Variants in PPP2R3A observed in about 807,000 individuals in gnomAD.
The protein encoded by PPP2R3A is serine/threonine-protein phosphatase 2A regulatory subunit B'' subunit alpha.
A neutral mutation model predicts 106.9 loss-of-function variants in PPP2R3A; 80 were observed. That is an observed-to-expected ratio of 0.75 (90% confidence interval 0.62 to 0.90). The LOEUF (loss-of-function observed/expected upper bound fraction) is 0.90. Among genes scored for constraint, PPP2R3A ranks in the 40% least tolerant of loss-of-function variants. The probability of loss-of-function intolerance (pLI) is 0.00; values close to 1 mark genes in which losing one functional copy is unlikely to be tolerated. For synonymous variants in PPP2R3A, 483 were observed against 468.3 expected (o/e 1.03, Z -0.41); for missense variants, 1,386 against 1,350.4 (o/e 1.03, Z -0.41).
In PPP2R3A at chr3:136,001,659, A is replaced by G; in HGVS notation, c.161A>G (p.Asp54Gly). 1 of 1,614,118 alleles carries G rather than the reference A, an allele frequency of 6.2e-7. No homozygotes were observed. ...GTGGTACACCATAGTGTTTGTGCAG[A>G]CCTCTTGCACATCCCTGTGTCTCAG... Reference protein sequence around the residue: ...CIVVHHSVCADLLHIPVSQFK... With the variant: ...CIVVHHSVCAGLLHIPVSQFK... Residue 54 changes from aspartate (D) to glycine (G), a missense_variant, in exon 2 of 14, where the codon GAC becomes GGC. Transcript: ENST00000264977.
At chr3:136,098,799 A>G (rs897941854) in intron 10 of PPP2R3A, among the ~76,000 whole-genome samples, 3 of 152,170 alleles carry the variant, frequency 2.0e-5, no homozygotes, top group African/African-American at 7.2e-5. Flanking sequence ...GGATTTGGGG[A>G]TACTAGGAAC....
chr3:136,037,506 A>G (rs555162393), intron 3 of PPP2R3A, among the ~76,000 whole-genome samples: 4 of 152,338 alleles, frequency 2.6e-5, no homozygotes, highest in African/African-American at 7.2e-5. Flanking sequence ...TCTGAACCAT[A>G]CAAAGCCCCG....
At chr3:136,073,099 C>G (rs1416511223) in intron 6 of PPP2R3A, among the ~76,000 whole-genome samples, 1 of 152,086 alleles carries the variant, frequency 6.6e-6, no homozygotes, top group Admixed American at 6.6e-5. Context: ...TCCCAAGTAG[C>G]TGGGACTACA....
At chr3:136,123,003 G>A (rs1938055471) in intron 13 of PPP2R3A, among the ~76,000 whole-genome samples, 1 of 152,120 alleles carries the variant, frequency 6.6e-6, no homozygotes, top group Non-Finnish European at 1.5e-5. Context: ...ACTAAGATAA[G>A]TAACTCTTTA....
intron 3 of PPP2R3A, among the ~76,000 whole-genome samples, chr3:136,037,289 C>A (rs1008781595): frequency 2.0e-5 from 3 of 152,182 alleles, no homozygotes; most frequent in African/African-American, 7.2e-5. Context: ...TGGTTAAATT[C>A]TCAGTGTGTA....
In PPP2R3A at chr3:135,974,402, G is replaced by A. The variant is rs9819116; in HGVS notation, c.-441+8553G>A. Among the ~76,000 whole-genome samples the A allele has an allele frequency of 8.3e-4, 127 of 152,232 alleles. 3 individuals carry two copies. Among genetic ancestry groups the A allele is most frequent in the Admixed American group, 1.5e-3 (23 of 15,288 alleles). On this transcript the variant is annotated intron_variant, in intron 1 of 13. Transcript: ENST00000264977. ...TTCCTTGCTTATGTCCTTCTCTGAC[G>A]GCCTATTCCCAACTCAGCAGCCGGA...
At chr3:136,097,513 C>A (rs1937244379) in intron 10 of PPP2R3A, among the ~76,000 whole-genome samples, 1 of 152,190 alleles carries the variant, frequency 6.6e-6, no homozygotes, top group South Asian at 2.1e-4. Flanking sequence ...TTCTTTCTCT[C>A]TTACGGGCTA....
chr3:136,055,449 G>A (rs1487517991), intron 5 of PPP2R3A: 5 of 1,110,074 alleles, frequency 4.5e-6, no homozygotes, highest in South Asian at 3.7e-5. Context: ...AAGGCACAAA[G>A]TGTAAATGTG....
chr3:136,112,786 T>C (rs1937614440), intron 13 of PPP2R3A, among the ~76,000 whole-genome samples: 2 of 152,092 alleles, frequency 1.3e-5, no homozygotes, highest in African/African-American at 4.8e-5. Context: ...TCAGTGCTAT[T>C]CCTATCATAC....
chr3:136,119,351 A>G (rs1351630542), intron 13 of PPP2R3A, among the ~76,000 whole-genome samples: 1 of 152,246 alleles, frequency 6.6e-6, no homozygotes, highest in Non-Finnish European at 1.5e-5. Flanking sequence ...AATGGCAACA[A>G]AAGCCAAAAT....
chr3:136,133,135 G>A (rs1376733034), intron 13 of PPP2R3A, among the ~76,000 whole-genome samples: 3 of 152,132 alleles, frequency 2.0e-5, no homozygotes, highest in African/African-American at 4.8e-5. Flanking sequence ...GGTTGGGCAA[G>A]AGTAATTTTT....
chr3:136,004,748 T>A (rs1228765561), intron 2 of PPP2R3A, among the ~76,000 whole-genome samples: 9 of 152,156 alleles, frequency 5.9e-5, no homozygotes, highest in Non-Finnish European at 8.8e-5. Context: ...GGAAGGGAAA[T>A]GCAACTGAGG....
intron 10 of PPP2R3A, among the ~76,000 whole-genome samples, chr3:136,098,030 T>G (rs1358401308): frequency 6.6e-6 from 1 of 152,262 alleles, no homozygotes; most frequent in Non-Finnish European, 1.5e-5. Context: ...TTAGGTTCAA[T>G]GAATGTCCCC....
chr3:136,126,142 G>A (rs373848894), intron 13 of PPP2R3A, among the ~76,000 whole-genome samples: 2 of 152,214 alleles, frequency 1.3e-5, no homozygotes, highest in Non-Finnish European at 2.9e-5. Flanking sequence ...GGACTGGTTG[G>A]ACAGTGGGTG....
chr3:136,017,334 A>C lies in PPP2R3A; in HGVS notation c.1996-9498A>C, dbSNP rs369592829. Among the ~76,000 whole-genome samples the C allele has an allele frequency of 4.6e-5, 7 of 152,264 alleles. No individual in the cohort carries two copies. The South Asian group carries it at 1.2e-3, about 27-fold the overall frequency. ...GCAATGAATTTCTCAGGTGATTTGG[A>C]TATCTAGATCTCTAGCAACGCCAGG... On this transcript the variant is annotated intron_variant, in intron 2 of 13. Coordinates refer to ENST00000264977, the MANE Select transcript of PPP2R3A (RefSeq NM_002718.5).
At chr3:136,127,338 G>A (rs192044651) in intron 13 of PPP2R3A, among the ~76,000 whole-genome samples, 120 of 152,262 alleles carry the variant, frequency 7.9e-4, no homozygotes, top group Non-Finnish European at 1.6e-3. Flanking sequence ...TGATGGAGCT[G>A]AAAACCATGG....
chr3:136,067,686 A>G (rs1936302139), intron 5 of PPP2R3A, among the ~76,000 whole-genome samples: 1 of 152,230 alleles, frequency 6.6e-6, no homozygotes, highest in African/African-American at 2.4e-5. Context: ...GCTGAACAAT[A>G]TATGGAATCA....
chr3:136,143,170 T>G (rs1015829067), intron 13 of PPP2R3A, among the ~76,000 whole-genome samples: 1 of 152,304 alleles, frequency 6.6e-6, no homozygotes, highest in Non-Finnish European at 1.5e-5. Flanking sequence ...TTTTAAAAGG[T>G]TTAAACCTCT....
At chr3:136,041,192 C>T (rs979076881) in intron 4 of PPP2R3A, among the ~76,000 whole-genome samples, 1 of 132,828 alleles carries the variant, frequency 7.5e-6, no homozygotes, top group South Asian at 2.3e-4. Flanking sequence ...AGAAATCTTT[C>T]TTTAAAAACT....
Sources: gnomAD v4.1 joint callset for allele counts (sites outside exome capture counted in the v4.1 genomes callset) on GRCh38, gnomAD v4.1.1 for gene constraint, MANE v1.5 for transcripts, NCBI Gene and HGNC (gene_info 2026-07-23, HGNC 2026-07-21) for gene names.